The following MVB12B variants were observed in gnomAD, a reference collection of about 807,000 sequenced individuals.
MVB12B encodes multivesicular body subunit 12B, also known as ESCRT-I complex subunit MVB12B.
In MVB12B, 16 loss-of-function variants were observed where a neutral mutation model predicts 41.6. The observed-to-expected ratio is 0.38, with a 90% CI of 0.26 to 0.58. The LOEUF (loss-of-function observed/expected upper bound fraction) is 0.58, where lower values mean the gene tolerates loss of function less well. MVB12B is among the 20% of genes least tolerant of loss of function. The pLI is 0.62. For synonymous variants in MVB12B, 133 were observed against 139.7 expected (o/e 0.95, Z 0.34); for missense variants, 274 against 380.2 (o/e 0.72, Z 2.32).
At chr9:126,475,966 G>A (rs1454512636) in intron 7 of MVB12B, among the ~76,000 whole-genome samples, 2 of 137,472 alleles carry the variant, frequency 1.5e-5, no homozygotes, top group African/African-American at 5.1e-5. Flanking sequence ...TGAGGCTCCC[G>A]TCTCTGTCAC....
At chr9:126,397,099 T>C (rs1831138183) in intron 6 of MVB12B, 2 of 985,370 alleles carry the variant, frequency 2.0e-6, no homozygotes. Flanking sequence ...CACTTGTACT[T>C]GGAGCAGCTC....
chr9:126,430,578 T>C (rs1050289100), intron 7 of MVB12B, among the ~76,000 whole-genome samples: 7 of 141,646 alleles, frequency 4.9e-5, no homozygotes, highest in Admixed American at 7.0e-5. Flanking sequence ...GCTCCCCTCT[T>C]TTTTTTTTTT....
chr9:126,461,602 G>A (rs1306297587), intron 7 of MVB12B, among the ~76,000 whole-genome samples: 2 of 152,254 alleles, frequency 1.3e-5, no homozygotes, highest in Non-Finnish European at 2.9e-5. Flanking sequence ...AACATTTAAT[G>A]TTCAAAGCAA....
intron 7 of MVB12B, among the ~76,000 whole-genome samples, chr9:126,438,561 C>T (rs1832552076): frequency 1.3e-5 from 2 of 152,182 alleles, no homozygotes; most frequent in Non-Finnish European, 2.9e-5. Context: ...TCCAGGTTCT[C>T]AGATAACACT....
intron 7 of MVB12B, among the ~76,000 whole-genome samples, chr9:126,465,258 A>T (rs987554073): frequency 6.6e-6 from 1 of 152,224 alleles, no homozygotes; most frequent in Non-Finnish European, 1.5e-5. Flanking sequence ...AATGAAGACT[A>T]TCAGAGCTGG....
At chr9:126,371,497 A>G (rs1830338222) in intron 2 of MVB12B, among the ~76,000 whole-genome samples, 1 of 152,198 alleles carries the variant, frequency 6.6e-6, no homozygotes, top group South Asian at 2.1e-4. Flanking sequence ...TTTGCTGGGA[A>G]TAGGGACCTG....
At chr9:126,483,605 G>A (rs1317165765) in intron 8 of MVB12B, among the ~76,000 whole-genome samples, 1 of 152,160 alleles carries the variant, frequency 6.6e-6, no homozygotes, top group East Asian at 1.9e-4. Context: ...TAGCTGCAGC[G>A]AGAAAGAGCA....
chr9:126,398,956 G>C (rs529145868), intron 6 of MVB12B, among the ~76,000 whole-genome samples: 1 of 152,342 alleles, frequency 6.6e-6, no homozygotes, highest in East Asian at 1.9e-4. Context: ...ACCGTCTGTA[G>C]GCCATCACCT....
intron 6 of MVB12B, among the ~76,000 whole-genome samples, chr9:126,409,299 CTGTGTGTGTGTGTGTGTG>C (rs61211126): frequency 6.7e-4 from 93 of 138,116 alleles, no homozygotes; most frequent in African/African-American, 2.0e-3. Context: ...GTGAGTAACT[CTGTGTGTGTGTGTGTGTG>C]TGTGTGTGTG....
At chr9:126,457,954 A>G (rs546310655) in intron 7 of MVB12B, among the ~76,000 whole-genome samples, 1 of 152,312 alleles carries the variant, frequency 6.6e-6, no homozygotes, top group Non-Finnish European at 1.5e-5. Context: ...ATGTCTGGCA[A>G]AAGACGATTT....
At chr9:126,372,767 T>C (rs551856633) in intron 2 of MVB12B, among the ~76,000 whole-genome samples, 1 of 152,330 alleles carries the variant, frequency 6.6e-6, no homozygotes, top group Non-Finnish European at 1.5e-5. Context: ...AACTCGAATC[T>C]ACCCAACTTC....
At chr9:126,423,920 T>C (rs931953260) in intron 7 of MVB12B, among the ~76,000 whole-genome samples, 2 of 152,238 alleles carry the variant, frequency 1.3e-5, no homozygotes, top group African/African-American at 4.8e-5. Context: ...TAAGGCAAAG[T>C]GTGCCCCAGG....
At chr9:126,358,671 T>C (rs1829948333) in intron 2 of MVB12B, among the ~76,000 whole-genome samples, 2 of 152,258 alleles carry the variant, frequency 1.3e-5, no homozygotes, top group African/African-American at 2.4e-5. Context: ...ACTCACTTAT[T>C]AGTTCTTATA....
intron 7 of MVB12B, among the ~76,000 whole-genome samples, chr9:126,479,280 G>A (rs1280461666): frequency 1.3e-5 from 2 of 152,054 alleles, no homozygotes; most frequent in Admixed American, 6.6e-5. Flanking sequence ...ACGAGTGCCC[G>A]GCCCATCTCA....
intron 9 of MVB12B, among the ~76,000 whole-genome samples, chr9:126,489,572 T>C (rs1408216220): frequency 6.6e-6 from 1 of 152,338 alleles, no homozygotes; most frequent in East Asian, 1.9e-4. Flanking sequence ...AGAAAACCTC[T>C]CACGATTCAG....
chr9:126,342,683 A>G (rs540138027), intron 2 of MVB12B, among the ~76,000 whole-genome samples: 1 of 152,110 alleles, frequency 6.6e-6, no homozygotes, highest in Non-Finnish European at 1.5e-5. Flanking sequence ...CCCTCTTGGT[A>G]CTGGCCTCTG....
intron 9 of MVB12B, 104 bp downstream of exon 9, chr9:126,484,136 T>C: frequency 9.4e-7 from 1 of 1,069,350 alleles, no homozygotes; most frequent in Non-Finnish European, 1.4e-6. Context: ...GAGGGACAGG[T>C]GGAGGTGTTC....
intron 8 of MVB12B, 22 bp from the exon 9 acceptor site, chr9:126,483,951 G>A (rs1429983206): frequency 3.7e-6 from 6 of 1,613,610 alleles, no homozygotes; most frequent in Non-Finnish European, 5.1e-6. Context: ...ATTTAAAAGG[G>A]CAACTTCATC....
rs1031596714 is a variant in MVB12B at position 126,367,358 on chromosome 9, T to C, written c.205-13706T>C. Among the ~76,000 whole-genome samples, 1 of 151,186 alleles carries C rather than the reference T, an allele frequency of 6.6e-6. No homozygotes were observed. Among genetic ancestry groups the C allele is most frequent in the African/African-American group, 2.4e-5 (1 of 41,076 alleles). On this transcript the variant is annotated intron_variant, in intron 2 of 9. Coordinates refer to ENST00000361171, the MANE Select transcript of MVB12B (RefSeq NM_033446.3). The surrounding 1 kb of genome is among the most constrained non-coding windows in gnomAD (Gnocchi z 4.3). ...AGATCTCTGTGGTCGTATGGTCTGC[T>C]CTCTCTCTCTCATCCGCGTGGCCAG...
Sources: allele counts gnomAD v4.1 joint callset (sites outside exome capture counted in the v4.1 genomes callset), GRCh38; gene constraint gnomAD v4.1.1; non-coding constraint Gnocchi (gnomAD v3.1); transcripts MANE v1.5; gene names NCBI Gene and HGNC (gene_info 2026-07-23, HGNC 2026-07-21).